PANK1: variants seen among roughly 807,000 people sequenced by gnomAD.
PANK1 encodes the protein pantothenate kinase 1.
Under a neutral mutation model 40.1 loss-of-function variants are expected in PANK1, and 18 were observed. The ratio of observed to expected loss-of-function variants is 0.45; its 90% CI spans 0.31 to 0.67. The LOEUF (loss-of-function observed/expected upper bound fraction) is 0.67, where lower values mean the gene tolerates loss of function less well. Among genes scored for constraint, PANK1 ranks in the 30% least tolerant of loss-of-function variants. The probability of loss-of-function intolerance (pLI) is 0.06; values close to 1 mark genes in which losing one functional copy is unlikely to be tolerated. For synonymous variants in PANK1, 242 were observed against 237.7 expected, an observed-to-expected ratio of 1.02 and a Z score of -0.17; for missense variants, 457 against 599.6, an observed-to-expected ratio of 0.76 and a Z score of 2.48.
Position 89,599,467 on chromosome 10 carries a change from G to T in PANK1, c.684C>A (p.Asp228Glu). 1 of 1,613,808 alleles carries T rather than the reference G, an allele frequency of 6.2e-7. No individual in the cohort carries two copies. Among genetic ancestry groups the T allele is most frequent in the African/African-American group, 1.3e-5 (1 of 75,044 alleles). Reference sequence around the variant, plus strand: ...CATAAAGCAGGCCCTGAATCAGACAGTCCAGTTCATCCAGTTTATGCAGCT... The same window carrying T: ...CATAAAGCAGGCCCTGAATCAGACATTCCAGTTCATCCAGTTTATGCAGCT... ...DLQLHKLDEL[D>E]CLIQGLLYVD... The change falls in exon 3 of 7, where the codon GAC becomes GAA. Residue 228 changes from aspartate (D) to glutamate (E), a missense_variant. Coordinates refer to ENST00000307534, the MANE Select transcript of PANK1 (RefSeq NM_148977.3).
intron 3 of PANK1, among the ~76,000 whole-genome samples, chr10:89,598,282 T>G (rs190124080): frequency 1.3e-5 from 2 of 152,300 alleles, no homozygotes; most frequent in East Asian, 1.9e-4. Context: ...AATGGGTGAG[T>G]AGTCCTGCAG....
chr10:89,591,216 A>G (rs966043778), intron 5 of PANK1, among the ~76,000 whole-genome samples: 1 of 152,136 alleles, frequency 6.6e-6, no homozygotes, highest in Non-Finnish European at 1.5e-5. Flanking sequence ...ATAAACAAAG[A>G]TATATTGTAA....
intron 1 of PANK1, among the ~76,000 whole-genome samples, chr10:89,641,686 C>T (rs1841972203): frequency 6.6e-6 from 1 of 151,690 alleles, no homozygotes; most frequent in Non-Finnish European, 1.5e-5. Flanking sequence ...GAGCCAAGAT[C>T]GTGCCACTGC....
At chr10:89,585,201 C>T (rs369835477) in intron 6 of PANK1, among the ~76,000 whole-genome samples, 82 of 152,222 alleles carry the variant, frequency 5.4e-4, no homozygotes, top group African/African-American at 1.7e-3. Context: ...GGCTGGATTA[C>T]GTGGTGGAAG....
At chr10:89,589,773 A>C (rs1214687065) in intron 5 of PANK1, among the ~76,000 whole-genome samples, 1 of 151,984 alleles carries the variant, frequency 6.6e-6, no homozygotes, top group Non-Finnish European at 1.5e-5. Context: ...TTCATTAAAA[A>C]AAAAAACAAA....
chr10:89,592,698 A>G, intron 5 of PANK1: 1 of 532,612 alleles, frequency 1.9e-6, no homozygotes, highest in Non-Finnish European at 3.9e-6. Flanking sequence ...CACCAGCTCC[A>G]CCCCTTTTTG....
At chr10:89,593,122 G>C in intron 5 of PANK1, 75 bp downstream of exon 5, 1 of 1,430,264 alleles carries the variant, frequency 7.0e-7, no homozygotes, top group Non-Finnish European at 9.8e-7. Context: ...TTGTGTAAGA[G>C]TCAACAGGTG....
At position 89,604,896 on chromosome 10, in the gene PANK1, G is replaced by A. The variant is rs550173677; in HGVS notation, c.646-5391C>T. On this transcript the variant is annotated intron_variant, in intron 2 of 6. Transcript: ENST00000307534. Reference sequence around the variant, plus strand: ...CTCCCGAGTAGCTGGGACTACAGGTGCCTGCCACCACACCTGGCTATTTTT... The same window carrying A: ...CTCCCGAGTAGCTGGGACTACAGGTACCTGCCACCACACCTGGCTATTTTT... Among the ~76,000 whole-genome samples the A allele has an allele frequency of 3.6e-3, 541 of 151,582 alleles. 2 individuals carry two copies. Among genetic ancestry groups the A allele is most frequent in the Non-Finnish European group, 6.1e-3 (416 of 67,872 alleles).
intron 1 of PANK1, among the ~76,000 whole-genome samples, chr10:89,630,383 C>A (rs1435522433): frequency 6.6e-6 from 1 of 152,162 alleles, no homozygotes; most frequent in African/African-American, 2.4e-5. Context: ...TTATTTAATT[C>A]AGTTCTCATA....
intron 1 of PANK1, among the ~76,000 whole-genome samples, chr10:89,639,664 C>G (rs1239837668): frequency 6.6e-6 from 1 of 152,184 alleles, no homozygotes; most frequent in Non-Finnish European, 1.5e-5. Flanking sequence ...CCACAGAACC[C>G]TACCCACACT....
At chr10:89,637,049 G>A (rs1417744596) in intron 1 of PANK1, among the ~76,000 whole-genome samples, 3 of 150,908 alleles carry the variant, frequency 2.0e-5, no homozygotes, top group African/African-American at 4.9e-5. Context: ...TAGTAGAGAC[G>A]GGGTTCCACC....
rs759472384 is a variant in PANK1 at position 89,612,069 on chromosome 10, G to A, written c.293-21C>T. On this transcript the variant is annotated intron_variant, in intron 1 of 6. Transcript: ENST00000307534. The stretch of plus-strand genomic sequence containing the variant: ...GAATGCTAAAGGACAGAAAGAAAGA[G>A]TGCTGCTGAATGCTATGCGTGCAAA... 4 of 1,593,586 alleles carry A rather than the reference G, an allele frequency of 2.5e-6. No individual in the cohort carries two copies. In the East Asian group the frequency reaches 8.9e-5, roughly 36 times the overall value.
rs1012220597 is a variant in PANK1, at chr10:89,583,280, A to G, written c.*1126T>C. ...AGAAAAAATATATAGATCAGTATAAATTATTTTTAATTTTAGAAACTGAGA... is the reference window on the plus strand; with the variant it reads ...AGAAAAAATATATAGATCAGTATAAGTTATTTTTAATTTTAGAAACTGAGA... On this transcript the variant is annotated 3_prime_UTR_variant, in exon 7 of 7. Transcript: ENST00000307534. 7 of 152,232 alleles carry G rather than the reference A, an allele frequency of 4.6e-5. No individual in the cohort carries two copies. The highest frequency in any genetic ancestry group is 1.7e-4 in the African/African-American group (7 of 41,478). 9.4% of individuals were successfully genotyped at this position (152,232 alleles called of 1,614,324 possible). A position where few individuals can be genotyped will look rare whatever the true frequency, so the allele number is the denominator to read the frequency against.
At chr10:89,598,251 CA>C (rs1216960331) in intron 3 of PANK1, among the ~76,000 whole-genome samples, 2 of 152,194 alleles carry the variant, frequency 1.3e-5, no homozygotes, top group Admixed American at 1.3e-4. Flanking sequence ...AAATGTACTG[CA>C]AAAGCAATGT....
At chr10:89,625,178 G>A (rs182942770) in intron 1 of PANK1, among the ~76,000 whole-genome samples, 2 of 152,332 alleles carry the variant, frequency 1.3e-5, no homozygotes, top group Non-Finnish European at 2.9e-5. Flanking sequence ...TGGAATTACA[G>A]GCATGAGCCA....
intron 3 of PANK1, among the ~76,000 whole-genome samples, chr10:89,596,989 C>CA (rs1380470780): frequency 6.6e-6 from 1 of 152,044 alleles, no homozygotes; most frequent in African/African-American, 2.4e-5. Context: ...TGGGATGCAA[C>CA]AAAATTATAT....
intron 6 of PANK1, among the ~76,000 whole-genome samples, chr10:89,588,163 A>C (rs1450813868): frequency 6.6e-6 from 1 of 152,200 alleles, no homozygotes; most frequent in African/African-American, 2.4e-5. Flanking sequence ...TTAAGTGCTG[A>C]ATAGTATTCC....
At chr10:89,631,226 T>G (rs981406080) in intron 1 of PANK1, among the ~76,000 whole-genome samples, 1 of 152,206 alleles carries the variant, frequency 6.6e-6, no homozygotes, top group Non-Finnish European at 1.5e-5. Flanking sequence ...CACATTTTCA[T>G]AAAGCTGACA....
At chr10:89,603,259 A>G (rs1253459547) in intron 2 of PANK1, among the ~76,000 whole-genome samples, 1 of 152,232 alleles carries the variant, frequency 6.6e-6, no homozygotes, top group Non-Finnish European at 1.5e-5. Context: ...GTCAATAAAC[A>G]CATAATTGGG....
Sources: allele counts gnomAD v4.1 joint callset (sites outside exome capture counted in the v4.1 genomes callset), GRCh38; gene constraint gnomAD v4.1.1; transcripts MANE v1.5; gene names NCBI Gene and HGNC (gene_info 2026-07-23, HGNC 2026-07-21).